The following RAB11FIP4 variants were observed in gnomAD, a reference collection of about 807,000 sequenced individuals.
The protein encoded by RAB11FIP4 is RAB11 family interacting protein 4.
A neutral mutation model predicts 74.3 loss-of-function variants in RAB11FIP4; 23 were observed. That is an observed-to-expected ratio of 0.31 (90% CI 0.22 to 0.44). RAB11FIP4 has a LOEUF of 0.44. RAB11FIP4 is among the 20% of genes least tolerant of loss of function. The pLI is 1.00. For missense variants in RAB11FIP4, 630 were observed against 863.9 expected (o/e 0.73, Z 3.39); for synonymous variants, 360 against 359.9 (o/e 1.00, Z 0.00).
intron 3 of RAB11FIP4, among the ~76,000 whole-genome samples, chr17:31,445,530 TTTTATATATATATATATATATATATA>T (rs1222881795): frequency 0.059 from 2,145 of 36,506 alleles, 189 homozygotes; most frequent in South Asian, 0.08. Flanking sequence ...ATTTTCCCAA[TTTTATATATATATATATATATATATA>T]TATATATATA....
chr17:31,399,510 C>T (rs541561891), intron 1 of RAB11FIP4, among the ~76,000 whole-genome samples: 15 of 152,070 alleles, frequency 9.9e-5, no homozygotes, highest in East Asian at 1.9e-4. Flanking sequence ...GTCAGGAGTT[C>T]GAGACCAGCC....
At chr17:31,447,649 A>C (rs1214987490) in intron 3 of RAB11FIP4, among the ~76,000 whole-genome samples, 1 of 151,940 alleles carries the variant, frequency 6.6e-6, no homozygotes, top group Non-Finnish European at 1.5e-5. Context: ...CAGCCTCCCA[A>C]GTAGCTGGGA....
At position 31,523,496 on chromosome 17, in the gene RAB11FIP4, C is replaced by T; in HGVS notation, c.930-16C>T. 6.2e-7 allele frequency: 1 copy of T among 1,610,696 alleles called. No individual in the cohort carries two copies. Among genetic ancestry groups the T allele is most frequent in the South Asian group, 1.1e-5 (1 of 91,006 alleles). On this transcript the variant is annotated splice_polypyrimidine_tract_variant and intron_variant, in intron 7 of 14. Transcript: ENST00000621161. ...GAAGGCCCCTGCAGCCAGACACCCT[C>T]CTCCCACCCCTGCAGGCAGCTCATG...
At chr17:31,447,039 C>G (rs938118543) in intron 3 of RAB11FIP4, among the ~76,000 whole-genome samples, 2 of 152,092 alleles carry the variant, frequency 1.3e-5, no homozygotes, top group Non-Finnish European at 2.9e-5. Flanking sequence ...AATCCCAGTA[C>G]TTTGGGAGGC....
chr17:31,432,153 A>T (rs1440617605), intron 2 of RAB11FIP4, among the ~76,000 whole-genome samples: 2 of 151,884 alleles, frequency 1.3e-5, no homozygotes, highest in Non-Finnish European at 2.9e-5. Context: ...GCCTCTGGAG[A>T]AAGCCTCCTT....
chr17:31,533,368 C>T lies in RAB11FIP4; in HGVS notation c.*1636C>T, dbSNP rs1460518807. ...GTCTGACCCAGGACTTTGGAGCCACCCACACTGGGAAGACTAGGCTAGGCA... is the reference window on the plus strand; with the variant it reads ...GTCTGACCCAGGACTTTGGAGCCACTCACACTGGGAAGACTAGGCTAGGCA... On this transcript the variant is annotated 3_prime_UTR_variant, in exon 15 of 15. Transcript: ENST00000621161. 1 of 152,202 alleles carries T rather than the reference C, an allele frequency of 6.6e-6. No individual in the cohort carries two copies. Among genetic ancestry groups the T allele is most frequent in the African/African-American group, 2.4e-5 (1 of 41,416 alleles). The allele number at this position is 152,202 out of a possible 1,614,324, so 9.4% of individuals were successfully genotyped here.
At chr17:31,466,223 T>C (rs1348620119) in intron 3 of RAB11FIP4, among the ~76,000 whole-genome samples, 2 of 152,102 alleles carry the variant, frequency 1.3e-5, no homozygotes, top group South Asian at 2.1e-4. Flanking sequence ...TTGAGGACAG[T>C]GGGTCCCAGG....
At chr17:31,497,993 T>C (rs556250925) in intron 3 of RAB11FIP4, among the ~76,000 whole-genome samples, 2 of 152,020 alleles carry the variant, frequency 1.3e-5, no homozygotes, top group Non-Finnish European at 2.9e-5. Context: ...TGCTGAGGCA[T>C]TGGGGTGGGT....
At chr17:31,400,784 C>T (rs979829603) in intron 1 of RAB11FIP4, among the ~76,000 whole-genome samples, 16 of 152,180 alleles carry the variant, frequency 1.1e-4, no homozygotes, top group African/African-American at 3.9e-4. Context: ...CCACGTTGGC[C>T]TGTGAGACCT....
rs74567291 is a variant in RAB11FIP4 at position 31,436,183 on chromosome 17, C to T, written c.336+2061C>T. On this transcript the variant is annotated intron_variant, in intron 3 of 14. Transcript: ENST00000621161. ...AACCTGAGCACGTTCTTCTCAACCC[C>T]GCTGAGCGTCAGTGTCCTCAACTGT... 8.1e-3 allele frequency among the ~76,000 whole-genome samples: 1,234 copies of T among 152,258 alleles called. 27 individuals are homozygous for T. The highest frequency in any genetic ancestry group is 0.032 in the Admixed American group (494 of 15,278).
rs117145693 is a variant in RAB11FIP4, at chr17:31,512,150, C to T, written c.337-5501C>T. 8.9e-3 allele frequency among the ~76,000 whole-genome samples: 1,355 copies of T among 152,300 alleles called. 9 individuals are homozygous for T. Among genetic ancestry groups the T allele is most frequent in the Non-Finnish European group, 0.014 (964 of 68,018 alleles). ...TCCAGGACATTGCTGGCTGACCAGC[C>T]GGGGACCCATGGCTGTAGGAATAGC... On this transcript the variant is annotated intron_variant, in intron 3 of 14. Coordinates refer to ENST00000621161, the MANE Select transcript of RAB11FIP4 (RefSeq NM_032932.6). This position sits in a 1 kb window ranked among gnomAD's most constrained non-coding sequence, Gnocchi z 4.1.
At chr17:31,480,060 G>A (rs1221073610) in intron 3 of RAB11FIP4, among the ~76,000 whole-genome samples, 1 of 152,158 alleles carries the variant, frequency 6.6e-6, no homozygotes, top group Non-Finnish European at 1.5e-5. Flanking sequence ...TGACTGAGGA[G>A]GAAACTGAGG....
At chr17:31,491,340 C>A (rs1011881886) in intron 3 of RAB11FIP4, among the ~76,000 whole-genome samples, 2 of 152,208 alleles carry the variant, frequency 1.3e-5, no homozygotes, top group African/African-American at 4.8e-5. Context: ...GTGCTGGGCA[C>A]TGGAGATACA....
intron 3 of RAB11FIP4, among the ~76,000 whole-genome samples, chr17:31,450,320 C>CA (rs2071512550): frequency 1.9e-5 from 2 of 105,592 alleles, no homozygotes; most frequent in South Asian, 3.4e-4. Context: ...CCGCCACCGG[C>CA]TTTATTATTA....
At chr17:31,402,898 T>C (rs902287587) in intron 1 of RAB11FIP4, among the ~76,000 whole-genome samples, 9 of 152,050 alleles carry the variant, frequency 5.9e-5, no homozygotes, top group African/African-American at 1.7e-4. Context: ...GTGCTGGGAT[T>C]ACAGGCGTGA....
chr17:31,499,135 G>A (rs56364995), intron 3 of RAB11FIP4, among the ~76,000 whole-genome samples: 1 of 152,124 alleles, frequency 6.6e-6, no homozygotes, highest in Non-Finnish European at 1.5e-5. Flanking sequence ...GAGATGCAGT[G>A]GCTGCATGGG....
At chr17:31,504,581 T>C (rs1024407283) in intron 3 of RAB11FIP4, among the ~76,000 whole-genome samples, 9 of 152,180 alleles carry the variant, frequency 5.9e-5, no homozygotes, top group Non-Finnish European at 1.3e-4. Context: ...AACTTTCAAA[T>C]GAACCAAGTT....
Position 31,517,673 on chromosome 17 carries a change from C to G in RAB11FIP4, c.359C>G (p.Thr120Ser). ...CAGGGCAGCGAGGTCACAGGCCCCA[C>G]CTTTGCTGATGGCGAGCTCATCCCC... ...VEQGSEVTGP[T>S]FADGELIPRE... Residue 120 changes from threonine (T) to serine (S), a missense_variant, in exon 4 of 15, where the codon ACC (threonine) becomes AGC (serine). Transcript: ENST00000621161. The G allele has an allele frequency of 2.5e-6, 4 of 1,607,060 alleles. No homozygotes were observed. Among genetic ancestry groups the G allele is most frequent in the Non-Finnish European group, 3.4e-6 (4 of 1,177,524 alleles).
chr17:31,405,274 G>C (rs955312125), intron 1 of RAB11FIP4, among the ~76,000 whole-genome samples: 1 of 152,092 alleles, frequency 6.6e-6, no homozygotes, highest in Non-Finnish European at 1.5e-5. Flanking sequence ...CTGGGTGCTG[G>C]AGCCCTGAGC....
Sources: allele counts gnomAD v4.1 joint callset (sites outside exome capture counted in the v4.1 genomes callset), GRCh38; gene constraint gnomAD v4.1.1; non-coding constraint Gnocchi (gnomAD v3.1); transcripts MANE v1.5; gene names NCBI Gene and HGNC (gene_info 2026-07-23, HGNC 2026-07-21).